FCRL4: variants seen among roughly 807,000 people sequenced by gnomAD.
FCRL4 encodes the protein Fc receptor-like protein 4.
A neutral mutation model predicts 64.1 loss-of-function variants in FCRL4; 43 were observed. The ratio of observed to expected loss-of-function variants is 0.67; its 90% CI spans 0.53 to 0.87. The LOEUF (loss-of-function observed/expected upper bound fraction) is 0.87, where lower values mean the gene tolerates loss of function less well. Among genes scored for constraint, FCRL4 ranks in the 40% least tolerant of loss-of-function variants. FCRL4 has a pLI of 0.00. For synonymous variants in FCRL4, 253 were observed against 239.8 expected (o/e 1.05, Z -0.51); for missense variants, 656 against 613.5 (o/e 1.07, Z -0.73).
intron 6 of FCRL4, among the ~76,000 whole-genome samples, chr1:157,582,996 A>G (rs1336319558): frequency 6.6e-6 from 1 of 152,164 alleles, no homozygotes; most frequent in African/African-American, 2.4e-5. Context: ...TGGTAACCCT[A>G]TTTCCTAAAA....
Position 157,594,763 on chromosome 1 carries a change from C to T in FCRL4, c.52+1565G>A, listed in dbSNP as rs72996992. On this transcript the variant is annotated intron_variant, in intron 2 of 11. Coordinates refer to ENST00000271532, the MANE Select transcript of FCRL4 (RefSeq NM_031282.3). Reference sequence around the variant, plus strand: ...ACTTCCCAAATAGATCTTTTAGTTACATCTAAATGTGAAGAAAATGCCCTT... The same window carrying T: ...ACTTCCCAAATAGATCTTTTAGTTATATCTAAATGTGAAGAAAATGCCCTT... Among the ~76,000 whole-genome samples the T allele has an allele frequency of 6.3e-3, 955 of 152,202 alleles. 10 individuals carry two copies. The highest frequency in any genetic ancestry group is 0.022 in the African/African-American group (915 of 41,510).
intron 2 of FCRL4, among the ~76,000 whole-genome samples, chr1:157,593,286 G>T (rs1652879265): frequency 1.3e-5 from 2 of 152,062 alleles, no homozygotes; most frequent in African/African-American, 2.4e-5. Context: ...GGGAAGTCCT[G>T]GGAACCACCT....
In FCRL4 at chr1:157,589,382, A is replaced by T; in HGVS notation, c.129T>A (p.Thr43=). 1 of 1,614,172 alleles carries T rather than the reference A, an allele frequency of 6.2e-7. No individual in the cohort carries two copies. The highest frequency in any genetic ancestry group is 8.5e-7 in the Non-Finnish European group (1 of 1,180,030). Residue 43 remains threonine, a synonymous_variant, in exon 3 of 12, where the codon ACT becomes ACA. Transcript: ENST00000271532. The part of the protein sequence containing the change: ...TFFKGERVTL[T]CNGFQFYATE... ...TTGCATAGAACTGAAATCCATTGCAAGTCAGAGTCACTCTCTCTCCTTTGA... is the reference window on the plus strand; with the variant it reads ...TTGCATAGAACTGAAATCCATTGCATGTCAGAGTCACTCTCTCTCCTTTGA...
At chr1:157,584,156 T>C (rs890332373) in intron 6 of FCRL4, among the ~76,000 whole-genome samples, 1 of 152,148 alleles carries the variant, frequency 6.6e-6, no homozygotes, top group Non-Finnish European at 1.5e-5. Flanking sequence ...AGGTAAACTT[T>C]TCAGAATAAG....
At chr1:157,589,504 C>G (rs1316417954) in intron 2 of FCRL4, 46 bp from the exon 3 acceptor site, 1 of 1,599,104 alleles carries the variant, frequency 6.3e-7, no homozygotes. Context: ...TGCCTGCAGT[C>G]CCAGCTGCAG....
chr1:157,586,409 G>GC lies in FCRL4; in HGVS notation c.893dup (p.Gln299ProfsTer4), dbSNP rs1262296876. 3 of 1,612,454 alleles carry GC rather than the reference G, an allele frequency of 1.9e-6. No homozygotes were observed. Among genetic ancestry groups the GC allele is most frequent in the Admixed American group, 3.3e-5 (2 of 60,006 alleles). On this transcript the variant is annotated frameshift_variant, in exon 6 of 12. Transcript: ENST00000271532. LOFTEE classifies it high-confidence loss of function. ...CCAGCATCTCCCCTTCAACAGCCTG[G>GC]CCCCCTGAGGGCTGGGTCTCCAGGA...
Position 157,574,685 on chromosome 1 carries a change from G to T in FCRL4, c.*839C>A, listed in dbSNP as rs1364762253. 1 of 212,260 alleles carries T rather than the reference G, an allele frequency of 4.7e-6. No individual in the cohort carries two copies. The highest frequency in any genetic ancestry group is 9.5e-6 in the Non-Finnish European group (1 of 104,972). 13.1% of individuals were successfully genotyped at this position (212,260 alleles called of 1,614,324 possible). On this transcript the variant is annotated 3_prime_UTR_variant, in exon 12 of 12. Transcript: ENST00000271532. ...TGCAAGGAGTGCTTATTGCTAAGGG[G>T]TTGGTAATTATTTCAGTGAACAGAC...
rs1326716494 is a variant in FCRL4, at chr1:157,574,103, A to G, written c.*1421T>C. The G allele has an allele frequency of 4.6e-6, 1 of 217,802 alleles. No individual in the cohort carries two copies. The allele number at this position is 217,802 out of a possible 1,614,324, so 13.5% of individuals were successfully genotyped here. A position where few individuals can be genotyped will look rare whatever the true frequency, so the allele number is the denominator to read the frequency against. ...AATCAGCGTAGTTGGGATATCTGTCACCTTAAATATTCGTCTTTTCTTTAT... is the reference window on the plus strand; with the variant it reads ...AATCAGCGTAGTTGGGATATCTGTCGCCTTAAATATTCGTCTTTTCTTTAT... On this transcript the variant is annotated 3_prime_UTR_variant, in exon 12 of 12. Transcript: ENST00000271532.
At chr1:157,596,372 C>T (rs769961298) in intron 1 of FCRL4, 24 bp from the exon 2 acceptor site, 1 of 1,613,864 alleles carries the variant, frequency 6.2e-7, no homozygotes. Context: ...AAGAGCCAGC[C>T]ATCAGCGTAG....
At chr1:157,587,635 A>C in intron 4 of FCRL4, 75 bp from the exon 5 acceptor site, 1 of 1,481,326 alleles carries the variant, frequency 6.8e-7, no homozygotes, top group Non-Finnish European at 9.2e-7. Flanking sequence ...TTGGATGCTC[A>C]GTCCCAGGAA....
At position 157,575,329 on chromosome 1, in the gene FCRL4, T is replaced by C; in HGVS notation, c.*195A>G. On this transcript the variant is annotated 3_prime_UTR_variant, in exon 12 of 12. Transcript: ENST00000271532. ...GTGGATCCTGGTCATTTTAGTGAAG[T>C]CTTTCAGAGGCCATTCCATCCCAAC... The C allele has an allele frequency of 6.8e-6, 4 of 591,106 alleles. No individual in the cohort carries two copies. Among genetic ancestry groups the C allele is most frequent in the Non-Finnish European group, 1.2e-5 (4 of 331,268 alleles). 36.6% of individuals were successfully genotyped at this position (591,106 alleles called of 1,614,324 possible). A position where few individuals can be genotyped will look rare whatever the true frequency, so the allele number is the denominator to read the frequency against.
At chr1:157,577,767 T>C (rs766472912) in intron 10 of FCRL4, among the ~76,000 whole-genome samples, 1 of 152,166 alleles carries the variant, frequency 6.6e-6, no homozygotes, top group Non-Finnish European at 1.5e-5. Flanking sequence ...ATTTGTAAGA[T>C]GAAAGTATCT....
intron 6 of FCRL4, among the ~76,000 whole-genome samples, chr1:157,582,898 G>C (rs1052874075): frequency 6.6e-6 from 1 of 152,170 alleles, no homozygotes; most frequent in Non-Finnish European, 1.5e-5. Context: ...TGCCTGCTGG[G>C]GCATCCGCCG....
At chr1:157,585,367 TTTC>T (rs1558155076) in intron 6 of FCRL4, among the ~76,000 whole-genome samples, 1 of 117,816 alleles carries the variant, frequency 8.5e-6, no homozygotes, top group Non-Finnish European at 1.8e-5. Context: ...TCTTTCTTTC[TTTC>T]TTTCTTTCTT....
intron 6 of FCRL4, among the ~76,000 whole-genome samples, chr1:157,581,909 T>C (rs1652570228): frequency 6.6e-6 from 1 of 152,210 alleles, no homozygotes; most frequent in Non-Finnish European, 1.5e-5. Flanking sequence ...TAATGTTGTA[T>C]TCTGGTAAGC....
At chr1:157,590,220 T>C (rs189566304) in intron 2 of FCRL4, among the ~76,000 whole-genome samples, 1 of 152,310 alleles carries the variant, frequency 6.6e-6, no homozygotes, top group Admixed American at 6.5e-5. Flanking sequence ...ACAGGTTGAG[T>C]ACACTTTATT....
rs1553276938 is a variant in FCRL4 at position 157,585,407 on chromosome 1, T to TTTCTTTCC, written c.1135+760_1135+761insGGAAAGAA. Among the ~76,000 whole-genome samples, 321 of 137,122 alleles carry TTTCTTTCC rather than the reference T, an allele frequency of 2.3e-3. 1 individual carries two copies. Among genetic ancestry groups the TTTCTTTCC allele is most frequent in the East Asian group, 6.4e-3 (29 of 4,506 alleles). 90.0% of individuals were successfully genotyped at this position (137,122 alleles called of 152,430 possible). On this transcript the variant is annotated intron_variant, in intron 6 of 11. Coordinates refer to ENST00000271532, the MANE Select transcript of FCRL4 (RefSeq NM_031282.3). ...CTTTCTTTCTTTCCTTCTTTCTTTC[T>TTTCTTTCC]TTCTTTCTTTCTTTCCTTTTTCAGA...
chr1:157,578,580 G>C, intron 9 of FCRL4, 38 bp from the exon 10 acceptor site: 1 of 1,554,920 alleles, frequency 6.4e-7, no homozygotes, highest in Non-Finnish European at 8.9e-7. Flanking sequence ...GTTCCTGTTA[G>C]TATTAAAGTG....
rs80023113 is a variant in FCRL4 at position 157,582,452 on chromosome 1, A to G, written c.1136-808T>C. ...ATACCGTGCCCTGTAGTGATGCGCTAAAGAGCAAAAAGCATGACAGAGGGA... is the reference window on the plus strand; with the variant it reads ...ATACCGTGCCCTGTAGTGATGCGCTGAAGAGCAAAAAGCATGACAGAGGGA... On this transcript the variant is annotated intron_variant, in intron 6 of 11. Transcript: ENST00000271532. Among the ~76,000 whole-genome samples, 919 of 152,280 alleles carry G rather than the reference A, an allele frequency of 6.0e-3. 9 individuals are homozygous for G. Among genetic ancestry groups the G allele is most frequent in the African/African-American group, 0.02 (833 of 41,552 alleles).
Sources: gnomAD v4.1 joint callset for allele counts (sites outside exome capture counted in the v4.1 genomes callset) on GRCh38, gnomAD v4.1.1 for gene constraint, MANE v1.5 for transcripts, NCBI Gene and HGNC (gene_info 2026-07-23, HGNC 2026-07-21) for gene names.